SPTLC3: variants seen among roughly 807,000 people sequenced by gnomAD.
SPTLC3 encodes the protein serine palmitoyltransferase 3.
SPTLC3 carries 36 observed loss-of-function variants against 59.3 expected under a neutral mutation model. The ratio of observed to expected loss-of-function variants is 0.61; its 90% confidence interval spans 0.47 to 0.80. The LOEUF is 0.80. Among genes scored for constraint, SPTLC3 ranks in the 30% least tolerant of loss-of-function variants. The pLI, the probability that SPTLC3 is intolerant of heterozygous loss-of-function variation, is 0.00. For synonymous variants in SPTLC3, 257 were observed against 240.8 expected, an observed-to-expected ratio of 1.07 and a Z score of -0.62; for missense variants, 625 against 685.1, an observed-to-expected ratio of 0.91 and a Z score of 0.98.
chr20:13,102,484 C>T (rs1434926422), intron 6 of SPTLC3, among the ~76,000 whole-genome samples: 1 of 152,170 alleles, frequency 6.6e-6, no homozygotes, highest in African/African-American at 2.4e-5. Context: ...GGAAGTCTGA[C>T]TCCAGAGTCT....
chr20:13,035,737 C>A (rs992686853), intron 1 of SPTLC3, among the ~76,000 whole-genome samples: 2 of 152,136 alleles, frequency 1.3e-5, no homozygotes, highest in Non-Finnish European at 2.9e-5. Context: ...AGCAACTCTC[C>A]TATTTGTAAA....
chr20:13,143,450 ATCCTTGTCATGAT>A (rs927463850), intron 9 of SPTLC3, among the ~76,000 whole-genome samples: 1 of 152,198 alleles, frequency 6.6e-6, no homozygotes, highest in African/African-American at 2.4e-5. Context: ...TATTATTATT[ATCCTTGTCATGAT>A]TCCCATTTTA....
intron 1 of SPTLC3, among the ~76,000 whole-genome samples, chr20:13,027,107 G>A (rs1986186076): frequency 6.6e-6 from 1 of 152,106 alleles, no homozygotes; most frequent in South Asian, 2.1e-4. Context: ...CCCTTTTCTG[G>A]CTGGCTCATC....
chr20:13,153,823 T>C (rs2073304), intron 9 of SPTLC3, among the ~76,000 whole-genome samples, 180 bp from the exon 10 acceptor site: 35,822 of 151,968 alleles, frequency 0.24, 4,556 homozygotes, highest in South Asian at 0.44. Context: ...AGGTGCAAGG[T>C]AGTACCTGGG....
At chr20:13,014,693 G>A (rs373814162) in intron 1 of SPTLC3, among the ~76,000 whole-genome samples, 26 of 151,936 alleles carry the variant, frequency 1.7e-4, no homozygotes, top group East Asian at 1.5e-3. Flanking sequence ...AAGCCGATAC[G>A]CTCATGAGCA....
chr20:13,121,000 C>T (rs142176636), intron 8 of SPTLC3, among the ~76,000 whole-genome samples: 143 of 152,332 alleles, frequency 9.4e-4, no homozygotes, highest in African/African-American at 3.1e-3. Flanking sequence ...GTCAGAGCTC[C>T]GTGCCATGAA....
chr20:13,087,574 A>C (rs575168556), intron 4 of SPTLC3, among the ~76,000 whole-genome samples: 2 of 152,252 alleles, frequency 1.3e-5, no homozygotes, highest in African/African-American at 4.8e-5. Flanking sequence ...TTCATTATTC[A>C]TCAAAAGGCC....
intron 5 of SPTLC3, 26 bp downstream of exon 5, chr20:13,091,233 T>C (rs777283102): frequency 6.2e-7 from 1 of 1,609,950 alleles, no homozygotes; most frequent in South Asian, 1.1e-5. Flanking sequence ...CTAATTGTCT[T>C]CTACTGTATT....
intron 1 of SPTLC3, among the ~76,000 whole-genome samples, chr20:13,038,884 T>C (rs998948495): frequency 6.6e-6 from 1 of 152,136 alleles, no homozygotes; most frequent in African/African-American, 2.4e-5. Flanking sequence ...TTTCACTTGA[T>C]GTCTTCTTTG....
intron 1 of SPTLC3, among the ~76,000 whole-genome samples, chr20:13,048,615 C>A (rs1262135476): frequency 6.6e-6 from 1 of 152,114 alleles, no homozygotes; most frequent in African/African-American, 2.4e-5. Context: ...AATTTGATCA[C>A]CTGGTTAAAG....
rs1313630682 is a variant in SPTLC3, at chr20:13,064,275, T to G, written c.304-7981T>G. Among the ~76,000 whole-genome samples, 6 of 141,618 alleles carry G rather than the reference T, an allele frequency of 4.2e-5. No individual in the cohort carries two copies. In the East Asian group the frequency reaches 1.2e-3, roughly 29 times the overall value. 92.9% of individuals were successfully genotyped at this position (141,618 alleles called of 152,430 possible). A position where few individuals can be genotyped will look rare whatever the true frequency, so the allele number is the denominator to read the frequency against. On this transcript the variant is annotated intron_variant, in intron 2 of 11. Coordinates refer to ENST00000399002, the MANE Select transcript of SPTLC3 (RefSeq NM_018327.4). ...CTTTTTTTTCTTTTTCCTTTTCTTT[T>G]TTTTTTTTGTTTTGTTTTTGTTTTT...
intron 9 of SPTLC3, among the ~76,000 whole-genome samples, chr20:13,148,425 G>A (rs1250876603): frequency 6.6e-6 from 1 of 152,114 alleles, no homozygotes; most frequent in Non-Finnish European, 1.5e-5. Context: ...CTCAGGGGTG[G>A]GGTCGACAGG....
chr20:13,091,305 T>G, intron 5 of SPTLC3, 98 bp downstream of exon 5: 1 of 1,477,128 alleles, frequency 6.8e-7, no homozygotes, highest in South Asian at 1.3e-5. Flanking sequence ...ATGGGCACGG[T>G]GGTTCACGCC....
chr20:13,161,655 G>A (rs984338385), intron 11 of SPTLC3, among the ~76,000 whole-genome samples: 3 of 152,164 alleles, frequency 2.0e-5, no homozygotes, highest in African/African-American at 7.2e-5. Flanking sequence ...CAAAACTGCA[G>A]GAAGTTTAAA....
chr20:13,075,467 T>A (rs1045445703), intron 4 of SPTLC3, among the ~76,000 whole-genome samples: 2 of 152,254 alleles, frequency 1.3e-5, no homozygotes, highest in African/African-American at 4.8e-5. Context: ...TTCAGACTTG[T>A]GCAGCAAATA....
intron 1 of SPTLC3, among the ~76,000 whole-genome samples, chr20:13,036,654 C>T (rs1986748078): frequency 6.6e-6 from 1 of 152,176 alleles, no homozygotes; most frequent in Middle Eastern, 3.4e-3. Flanking sequence ...AGAAGGCCAG[C>T]ACCCTTAACC....
At chr20:13,090,304 T>A (rs1292078520) in intron 4 of SPTLC3, among the ~76,000 whole-genome samples, 1 of 152,206 alleles carries the variant, frequency 6.6e-6, no homozygotes. Flanking sequence ...GAAGTAAAAA[T>A]ACCTGCATTA....
chr20:13,124,347 A>AAGGGAGGAAGGGAAGAAGGG (rs1472574173), intron 8 of SPTLC3, among the ~76,000 whole-genome samples: 2 of 151,750 alleles, frequency 1.3e-5, no homozygotes, highest in Admixed American at 1.3e-4. Flanking sequence ...AGAAGGAAGG[A>AAGGGAGGAAGGGAAGAAGGG]AGGGAGGAAG....
At chr20:13,079,437 C>T (rs845729) in intron 4 of SPTLC3, among the ~76,000 whole-genome samples, 118,446 of 152,068 alleles carry the variant, frequency 0.78, 46,620 homozygotes, top group African/African-American at 0.88. Context: ...AAATTACACC[C>T]AGATAAATTG....
Sources: gnomAD v4.1 joint callset for allele counts (sites outside exome capture counted in the v4.1 genomes callset) on GRCh38, gnomAD v4.1.1 for gene constraint, MANE v1.5 for transcripts, NCBI Gene and HGNC (gene_info 2026-07-23, HGNC 2026-07-21) for gene names.